ANK2: variants seen among roughly 807,000 people sequenced by gnomAD.
The protein encoded by ANK2 is ankyrin-2.
ANK2 carries 83 observed loss-of-function variants against 360.5 expected under a neutral mutation model. The ratio of observed to expected loss-of-function variants is 0.23; its 90% CI spans 0.19 to 0.28. The LOEUF is 0.28. Ranked by LOEUF, ANK2 falls within the 10% of genes least tolerant of loss-of-function variation. The pLI, the probability that ANK2 is intolerant of heterozygous loss-of-function variation, is 1.00. For missense variants in ANK2, 4,201 were observed against 4,795.7 expected (o/e 0.88, Z 3.66); for synonymous variants, 1,740 against 1,759.5 (o/e 0.99, Z 0.28).
chr4:113,235,039 C>G (rs1475365679), intron 5 of ANK2, among the ~76,000 whole-genome samples: 1 of 152,162 alleles, frequency 6.6e-6, no homozygotes, highest in Non-Finnish European at 1.5e-5. Flanking sequence ...TATTTCTCTA[C>G]TCTCTTCCTT....
chr4:113,343,542 C>G (rs947692733), intron 34 of ANK2, among the ~76,000 whole-genome samples: 1 of 152,186 alleles, frequency 6.6e-6, no homozygotes, highest in Non-Finnish European at 1.5e-5. Context: ...TAAAATCTCT[C>G]AAAAGACCCA....
chr4:113,278,219 T>G (rs1464162254), intron 16 of ANK2, among the ~76,000 whole-genome samples: 1 of 152,196 alleles, frequency 6.6e-6, no homozygotes, highest in Non-Finnish European at 1.5e-5. Flanking sequence ...ACATAGCAGT[T>G]TAGACCTTTT....
Position 113,097,083 on chromosome 4 carries a change from T to C in ANK2, c.84+47271T>C, listed in dbSNP as rs888486638. ...GCTAGGATGTCTGTCATTTACAGAG[T>C]TGTCCAGTGTCACTTTTCCTTTTTT... is the stretch of plus-strand genomic sequence containing the variant. On this transcript the variant is annotated intron_variant, in intron 1 of 45. Coordinates refer to ENST00000357077, the MANE Select transcript of ANK2 (RefSeq NM_001148.6). 2.8e-4 allele frequency among the ~76,000 whole-genome samples: 17 copies of C among 60,362 alleles called. 1 individual carries two copies. Among genetic ancestry groups the C allele is most frequent in the African/African-American group, 1.6e-3 (17 of 10,560 alleles). 39.6% of individuals were successfully genotyped at this position (60,362 alleles called of 152,430 possible).
intron 14 of ANK2, 94 bp from the exon 15 acceptor site, chr4:113,274,358 T>A (rs1393448780): frequency 7.2e-7 from 1 of 1,390,728 alleles, no homozygotes; most frequent in Non-Finnish European, 1.0e-6. Flanking sequence ...TTCCTAGAGA[T>A]TCCAAGAAGA....
intron 2 of ANK2, among the ~76,000 whole-genome samples, chr4:113,180,586 G>A (rs909044793): frequency 1.3e-5 from 2 of 152,112 alleles, no homozygotes; most frequent in African/African-American, 4.8e-5. Context: ...ATTTATCTGG[G>A]TTGCATTAAA....
At chr4:113,172,246 C>T (rs529051257) in intron 1 of ANK2, among the ~76,000 whole-genome samples, 1 of 152,208 alleles carries the variant, frequency 6.6e-6, no homozygotes, top group Non-Finnish European at 1.5e-5. Flanking sequence ...TAGCAAGTGC[C>T]ATGATTTACA....
chr4:113,107,221 A>T (rs1378043100), intron 1 of ANK2, among the ~76,000 whole-genome samples: 3 of 150,314 alleles, frequency 2.0e-5, no homozygotes, highest in Non-Finnish European at 4.4e-5. Flanking sequence ...TGCGTGTTAG[A>T]TTTTTTTTTT....
the ANK2 span, among the ~76,000 whole-genome samples, chr4:112,731,348 C>T: frequency 6.8e-6 from 1 of 148,088 alleles, no homozygotes; most frequent in Non-Finnish European, 1.5e-5. Context: ...AGTTAACTAA[C>T]TTGATTTACG....
chr4:112,816,176 G>A (rs2055608967), upstream of ANK2, among the ~76,000 whole-genome samples: 1 of 152,100 alleles, frequency 6.6e-6, no homozygotes, highest in African/African-American at 2.4e-5. Context: ...TAAATTGTAG[G>A]GCACTTGGTG....
chr4:113,368,653 A>G (rs2096622011), intron 42 of ANK2, among the ~76,000 whole-genome samples: 1 of 152,210 alleles, frequency 6.6e-6, no homozygotes, highest in African/African-American at 2.4e-5. Context: ...ATAGGGTGTC[A>G]TGAGATTGTA....
chr4:113,235,498 C>T (rs1192897037), intron 5 of ANK2, among the ~76,000 whole-genome samples: 1 of 152,150 alleles, frequency 6.6e-6, no homozygotes, highest in Non-Finnish European at 1.5e-5. Flanking sequence ...TGGTAAATTA[C>T]CATCGTCTCT....
chr4:113,353,883 T>C lies in ANK2; in HGVS notation c.5265T>C (p.Ser1755=). The C allele has an allele frequency of 1.9e-6, 3 of 1,613,956 alleles. No individual in the cohort carries two copies. Among genetic ancestry groups the C allele is most frequent in the Non-Finnish European group, 2.5e-6 (3 of 1,179,924 alleles). ...PEPLPTVKAT[S]PLIEETPIGS... ...CCCTTCCCACTGTCAAGGCCACATC[T>C]CCTTTGATAGAAGAAACTCCCATTG... Residue 1755 remains serine, a synonymous_variant, in exon 38 of 46, where the codon TCT becomes TCC. Transcript: ENST00000357077.
intron 33 of ANK2, 133 bp downstream of exon 33, chr4:113,342,049 G>A: frequency 1.0e-6 from 1 of 960,646 alleles, no homozygotes; most frequent in East Asian, 2.6e-5. Flanking sequence ...TGGTCAGTTA[G>A]AAGGTCAACA....
intron 2 of ANK2, among the ~76,000 whole-genome samples, chr4:112,961,345 G>A (rs1217489937): frequency 3.9e-5 from 6 of 152,020 alleles, no homozygotes; most frequent in African/African-American, 1.2e-4. Flanking sequence ...TTAGTTATGT[G>A]TAGAGTAACA....
At chr4:113,054,026 AT>A (rs1373681533) in intron 1 of ANK2, among the ~76,000 whole-genome samples, 1 of 152,154 alleles carries the variant, frequency 6.6e-6, no homozygotes, top group Non-Finnish European at 1.5e-5. Flanking sequence ...GCTGTAGGAG[AT>A]TTTGGTAATT....
the ANK2 span, among the ~76,000 whole-genome samples, chr4:112,724,556 T>TACACACACACACACACACAC: frequency 7.1e-6 from 1 of 141,660 alleles, no homozygotes; most frequent in African/African-American, 2.6e-5. Context: ...CACACACACA[T>TACACACACACACACACACAC]ACACACACAC....
intron 1 of ANK2, among the ~76,000 whole-genome samples, chr4:113,096,614 A>G (rs1403429179): frequency 1.3e-5 from 2 of 152,228 alleles, no homozygotes; most frequent in East Asian, 1.9e-4. Flanking sequence ...ATTGGTCATC[A>G]CATAGTTACA....
chr4:112,777,474 C>T, the ANK2 span, among the ~76,000 whole-genome samples: 1 of 152,084 alleles, frequency 6.6e-6, no homozygotes, highest in Admixed American at 6.5e-5. Flanking sequence ...ATCTCCTGAC[C>T]TCGTGATCCG....
intron 40 of ANK2, among the ~76,000 whole-genome samples, 172 bp from the exon 41 acceptor site, chr4:113,364,866 CT>C (rs948268464): frequency 7.9e-5 from 12 of 152,238 alleles, no homozygotes; most frequent in African/African-American, 2.2e-4. Context: ...TGCTGTACCA[CT>C]TTTTTTATGC....
Sources: allele counts gnomAD v4.1 joint callset (sites outside exome capture counted in the v4.1 genomes callset), GRCh38; gene constraint gnomAD v4.1.1; transcripts MANE v1.5; gene names NCBI Gene and HGNC (gene_info 2026-07-23, HGNC 2026-07-21).